The following NRG2 variants were observed in gnomAD, a reference collection of about 807,000 sequenced individuals.
The protein encoded by NRG2 is pro-neuregulin-2, membrane-bound isoform.
Under a neutral mutation model 73.9 loss-of-function variants are expected in NRG2, and 27 were observed. The ratio of observed to expected loss-of-function variants is 0.37; its 90% CI spans 0.27 to 0.50. The LOEUF (loss-of-function observed/expected upper bound fraction) is 0.50, where lower values mean the gene tolerates loss of function less well. NRG2 is among the 20% of genes least tolerant of loss of function. The probability of loss-of-function intolerance (pLI) is 0.96; values close to 1 mark genes in which losing one functional copy is unlikely to be tolerated. For missense variants in NRG2, 1,126 were observed against 1,210.1 expected (o/e 0.93, Z 1.03); for synonymous variants, 532 against 541.0 (o/e 0.98, Z 0.23).
intron 1 of NRG2, among the ~76,000 whole-genome samples, chr5:139,905,800 G>T (rs1765188084): frequency 6.6e-6 from 1 of 152,104 alleles, no homozygotes; most frequent in African/African-American, 2.4e-5. Flanking sequence ...AAGGGGCCCT[G>T]GGCAGAACCA....
At position 139,848,013 on chromosome 5, in the gene NRG2, C is replaced by A; in HGVS notation, c.2457G>T (p.Arg819Ser). Residue 819 changes from arginine to serine, a missense_variant, in exon 10 of 10, where the codon AGG becomes AGT. By Grantham distance (110) the Arg-to-Ser change is moderately radical (BLOSUM62 -1). Coordinates refer to ENST00000361474, the MANE Select transcript of NRG2 (RefSeq NM_004883.3). ...TGTGGCTGTCCAGTGAGTAGTAAGT[C>A]CTGCTGTCGGCCGCCGGGCACAGTG... ...SPPLCPAADS[R>S]TYYSLDSHST... 6.6e-7 allele frequency: 1 copy of A among 1,512,714 alleles called. No individual in the cohort carries two copies. The highest frequency in any genetic ancestry group is 8.8e-7 in the Non-Finnish European group (1 of 1,135,138). The allele number at this position is 1,512,714 out of a possible 1,614,324, so 93.7% of individuals were successfully genotyped here. A position where few individuals can be genotyped will look rare whatever the true frequency, so the allele number is the denominator to read the frequency against.
intron 1 of NRG2, among the ~76,000 whole-genome samples, chr5:139,958,158 C>G (rs746609776): frequency 1.3e-5 from 2 of 152,122 alleles, no homozygotes; most frequent in African/African-American, 2.4e-5. Context: ...CAGCCTCAGT[C>G]TTACAGCCTG....
chr5:139,942,066 G>GT (rs745676948), intron 1 of NRG2, among the ~76,000 whole-genome samples: 38 of 152,300 alleles, frequency 2.5e-4, no homozygotes, highest in Admixed American at 5.9e-4. Context: ...GTTAAGGGTA[G>GT]TTTTTTCATC....
At chr5:139,898,183 C>T (rs373675286) in intron 1 of NRG2, among the ~76,000 whole-genome samples, 1 of 152,224 alleles carries the variant, frequency 6.6e-6, no homozygotes, top group Non-Finnish European at 1.5e-5. Flanking sequence ...TATGCTGGAC[C>T]TGAAGGATGA....
At chr5:140,015,215 T>C (rs1759674714) in intron 1 of NRG2, among the ~76,000 whole-genome samples, 1 of 152,224 alleles carries the variant, frequency 6.6e-6, no homozygotes, top group Admixed American at 6.5e-5. Flanking sequence ...TTATTTATTA[T>C]GTATATTATT....
At chr5:140,036,039 T>C (rs1761481866) in intron 1 of NRG2, among the ~76,000 whole-genome samples, 1 of 152,176 alleles carries the variant, frequency 6.6e-6, no homozygotes, top group African/African-American at 2.4e-5. Context: ...CTCAGGAGGC[T>C]AGCAGCACAA....
chr5:139,896,777 C>G lies in NRG2; in HGVS notation c.701-9266G>C, dbSNP rs141691087. Among the ~76,000 whole-genome samples, 256 of 152,272 alleles carry G rather than the reference C, an allele frequency of 1.7e-3. 1 individual carries two copies. The highest frequency in any genetic ancestry group is 6.0e-3 in the African/African-American group (248 of 41,564). On this transcript the variant is annotated intron_variant, in intron 1 of 9. Transcript: ENST00000361474. ...CTCCATCATCTGCCAGGCCCTGGCT[C>G]AGGTCATACTGCTCCCCACCCCCCA...
intron 1 of NRG2, among the ~76,000 whole-genome samples, chr5:139,891,958 G>A (rs1028599480): frequency 1.3e-5 from 2 of 152,182 alleles, no homozygotes; most frequent in South Asian, 2.1e-4. Context: ...ATCATGCCAC[G>A]TTCTTTACAG....
intron 1 of NRG2, among the ~76,000 whole-genome samples, chr5:139,889,163 A>G (rs1764057384): frequency 6.6e-6 from 1 of 152,222 alleles, no homozygotes. Context: ...AGAAGTATCT[A>G]TCAACTTCAG....
intron 1 of NRG2, among the ~76,000 whole-genome samples, chr5:139,920,905 T>C (rs559080142): frequency 6.6e-6 from 1 of 152,378 alleles, no homozygotes; most frequent in East Asian, 1.9e-4. Context: ...AGCAAGGCTG[T>C]AGGATACAAG....
chr5:140,006,807 T>G (rs1383675371), intron 1 of NRG2, among the ~76,000 whole-genome samples: 1 of 152,224 alleles, frequency 6.6e-6, no homozygotes. Flanking sequence ...TCTCTGTTTC[T>G]TCTATATTTT....
At position 139,868,297 on chromosome 5, in the gene NRG2, T is replaced by C. The variant is rs1762618046; in HGVS notation, c.1113-2672A>G. On this transcript the variant is annotated intron_variant, in intron 4 of 9. Coordinates refer to ENST00000361474, the MANE Select transcript of NRG2 (RefSeq NM_004883.3). This position sits in a 1 kb window ranked among gnomAD's most constrained non-coding sequence, Gnocchi z 4.2. ...GAAGGCTTTGGGGGTGAGCTGGGCC[T>C]ATAGCCTCTCTAACCTGCACCTAAT... Among the ~76,000 whole-genome samples, 1 of 152,096 alleles carries C rather than the reference T, an allele frequency of 6.6e-6. No homozygotes were observed. The highest frequency in any genetic ancestry group is 2.4e-5 in the African/African-American group (1 of 41,414).
At chr5:139,974,101 T>G (rs910458337) in intron 1 of NRG2, among the ~76,000 whole-genome samples, 1 of 152,322 alleles carries the variant, frequency 6.6e-6, no homozygotes, top group East Asian at 1.9e-4. Flanking sequence ...AATTCCTACA[T>G]ACCCAGTCCT....
chr5:139,983,196 T>C (rs911105273), intron 1 of NRG2, among the ~76,000 whole-genome samples: 30 of 152,316 alleles, frequency 2.0e-4, no homozygotes, highest in African/African-American at 7.2e-4. Context: ...CCCTTCCTCA[T>C]TTCCACAGAG....
intron 1 of NRG2, among the ~76,000 whole-genome samples, 186 bp downstream of exon 1, chr5:140,042,184 C>T (rs1407450501): frequency 6.8e-6 from 1 of 147,464 alleles, no homozygotes; most frequent in Admixed American, 6.7e-5. Flanking sequence ...TGAGCCTGAT[C>T]CTTCTTCTCT....
At chr5:139,886,853 A>G (rs1414532318) in intron 2 of NRG2, among the ~76,000 whole-genome samples, 1 of 152,178 alleles carries the variant, frequency 6.6e-6, no homozygotes, top group South Asian at 2.1e-4. Context: ...TCCAACACCA[A>G]TCAAAGTGTT....
At chr5:139,952,846 C>T (rs1002707950) in intron 1 of NRG2, among the ~76,000 whole-genome samples, 25 of 152,082 alleles carry the variant, frequency 1.6e-4, no homozygotes, top group Non-Finnish European at 3.1e-4. Flanking sequence ...AGGCTGCAGG[C>T]CTGGGTTCAG....
chr5:139,864,990 C>T lies in NRG2; in HGVS notation c.1189+559G>A, dbSNP rs774419071. 3.6e-5 allele frequency: 30 copies of T among 844,994 alleles called. No individual in the cohort carries two copies. The African/African-American group carries it at 4.8e-4, about 14-fold the overall frequency. 52.3% of individuals were successfully genotyped at this position (844,994 alleles called of 1,614,324 possible). ...GTGGGGGTGCCGGGGGTGTTTCCGTCTCCTCTAAGGAGCGCAGGACACCCT... is the reference window on the plus strand; with the variant it reads ...GTGGGGGTGCCGGGGGTGTTTCCGTTTCCTCTAAGGAGCGCAGGACACCCT... On this transcript the variant is annotated intron_variant, in intron 5 of 9. Transcript: ENST00000361474.
At chr5:139,959,667 C>T (rs142491113) in intron 1 of NRG2, among the ~76,000 whole-genome samples, 5,163 of 151,414 alleles carry the variant, frequency 0.034, 124 homozygotes, top group Non-Finnish European at 0.052. Context: ...TGGGCCACCG[C>T]GCCTGGCTTT....
Sources: gnomAD v4.1 joint callset for allele counts (sites outside exome capture counted in the v4.1 genomes callset) on GRCh38, gnomAD v4.1.1 for gene constraint, Gnocchi (gnomAD v3.1) non-coding constraint, MANE v1.5 for transcripts, NCBI Gene and HGNC (gene_info 2026-07-23, HGNC 2026-07-21) for gene names.